Variants in KIF26B observed in about 807,000 individuals in gnomAD.
KIF26B encodes kinesin family member 26B.
KIF26B carries 63 observed loss-of-function variants against 151.2 expected under a neutral mutation model. The observed-to-expected ratio is 0.42, with a 90% confidence interval of 0.34 to 0.51. KIF26B has a LOEUF of 0.51. KIF26B is among the 20% of genes least tolerant of loss of function. The probability of loss-of-function intolerance (pLI) is 0.07; values close to 1 mark genes in which losing one functional copy is unlikely to be tolerated. For missense variants in KIF26B, 2,813 were observed against 2,913.6 expected (o/e 0.97, Z 0.79); for synonymous variants, 1,357 against 1,262.1 (o/e 1.08, Z -1.59).
chr1:245,438,418 G>T (rs902173614), intron 4 of KIF26B, among the ~76,000 whole-genome samples: 7 of 152,178 alleles, frequency 4.6e-5, no homozygotes, highest in African/African-American at 1.4e-4. Flanking sequence ...TTGAGAAAAT[G>T]CATAAAGGAG....
intron 4 of KIF26B, among the ~76,000 whole-genome samples, chr1:245,471,873 C>T (rs1039247910): frequency 6.6e-6 from 1 of 151,834 alleles, no homozygotes; most frequent in Non-Finnish European, 1.5e-5. Context: ...CTCACTGCAA[C>T]CTCCACCTCC....
intron 2 of KIF26B, among the ~76,000 whole-genome samples, chr1:245,282,348 G>A (rs111822649): frequency 3.3e-5 from 5 of 152,248 alleles, no homozygotes; most frequent in African/African-American, 4.8e-5. Flanking sequence ...CAAAGTTTTC[G>A]TTTTTTAAAG....
At chr1:245,171,672 G>C (rs926826129) in intron 2 of KIF26B, among the ~76,000 whole-genome samples, 2 of 152,158 alleles carry the variant, frequency 1.3e-5, no homozygotes, top group Non-Finnish European at 2.9e-5. Context: ...TAAATTATTA[G>C]CATTTTATAA....
rs557518330 is a variant in KIF26B at position 245,167,979 on chromosome 1, G to GGA, written c.465+11297_465+11298dup. On this transcript the variant is annotated intron_variant, in intron 2 of 14. Transcript: ENST00000407071. The surrounding 1 kb of genome is among the most constrained non-coding windows in gnomAD (Gnocchi z 4.2). ...ATTTAGGTGAAAAAGGACTGTCCTT[G>GGA]GATCTGGGGACAGAGGTGCAGTCCT... Among the ~76,000 whole-genome samples, 15 of 152,302 alleles carry GGA rather than the reference G, an allele frequency of 9.8e-5. No homozygotes were observed. In the East Asian group the frequency reaches 2.3e-3, roughly 23 times the overall value.
rs200610252 is a variant in KIF26B, at chr1:245,610,132, T to TC, written c.1914+605dup. 9.5e-3 allele frequency among the ~76,000 whole-genome samples: 1,453 copies of TC among 152,300 alleles called. 24 individuals are homozygous for TC. Among genetic ancestry groups the TC allele is most frequent in the African/African-American group, 0.033 (1,366 of 41,556 alleles). On this transcript the variant is annotated intron_variant, in intron 8 of 14. Coordinates refer to ENST00000407071, the MANE Select transcript of KIF26B (RefSeq NM_018012.4). ...TGCAATTCATTCATATCCAGAATAATCAATCCTTCCAGTCTCTAACAGTAG... is the reference window on the plus strand; with the variant it reads ...TGCAATTCATTCATATCCAGAATAATCCAATCCTTCCAGTCTCTAACAGTAG...
chr1:245,680,761 C>T (rs1444626893), intron 10 of KIF26B, among the ~76,000 whole-genome samples: 7 of 152,172 alleles, frequency 4.6e-5, no homozygotes, highest in African/African-American at 1.2e-4. Context: ...ATCAATACAG[C>T]GGTTTCACAG....
intron 5 of KIF26B, among the ~76,000 whole-genome samples, chr1:245,579,837 A>G (rs2103128677): frequency 6.6e-6 from 1 of 151,302 alleles, no homozygotes; most frequent in South Asian, 2.1e-4. Context: ...AACAAGAGTG[A>G]AACTTCATCT....
At chr1:245,487,451 G>A (rs1349977388) in intron 4 of KIF26B, among the ~76,000 whole-genome samples, 2 of 152,188 alleles carry the variant, frequency 1.3e-5, no homozygotes, top group African/African-American at 4.8e-5. Flanking sequence ...AAAAGTGCAA[G>A]ACCTTCTGCA....
chr1:245,702,597 G>C lies in KIF26B; in HGVS notation c.6318G>C (p.Arg2106Ser), dbSNP rs767990584. Residue 2106 changes from arginine (R) to serine (S), a missense_variant, in exon 15 of 15, where the codon AGG (arginine) becomes AGC (serine). Coordinates refer to ENST00000407071, the MANE Select transcript of KIF26B (RefSeq NM_018012.4). This position sits in a 1 kb window ranked among gnomAD's most constrained non-coding sequence, Gnocchi z 4.1. ...MMITCFDITS[R>S]RR ...TCACCTGCTTCGACATCACCTCCAG[G>C]CGCCGGTAGATGAGCCAGACCCTTG... is the stretch of plus-strand genomic sequence containing the variant. 6.2e-7 allele frequency: 1 copy of C among 1,613,826 alleles called. No homozygotes were observed. The highest frequency in any genetic ancestry group is 1.1e-5 in the South Asian group (1 of 91,060).
rs549333496 is a variant in KIF26B, at chr1:245,706,864, G to A, written c.*4258G>A. 1.3e-5 allele frequency: 2 copies of A among 152,336 alleles called. No individual in the cohort carries two copies. The highest frequency in any genetic ancestry group is 3.9e-4 in the East Asian group (2 of 5,188). The allele number at this position is 152,336 out of a possible 1,614,324, so 9.4% of individuals were successfully genotyped here. A position where few individuals can be genotyped will look rare whatever the true frequency, so the allele number is the denominator to read the frequency against. On this transcript the variant is annotated 3_prime_UTR_variant, in exon 15 of 15. Transcript: ENST00000407071. ...CAAATGAAACAAAGCTGGGTGTTCA[G>A]TGTCACTGATGCAAGTAAATGGGTC... is the stretch of plus-strand genomic sequence containing the variant.
At chr1:245,435,573 G>A (rs1658898318) in intron 4 of KIF26B, among the ~76,000 whole-genome samples, 1 of 152,184 alleles carries the variant, frequency 6.6e-6, no homozygotes, top group African/African-American at 2.4e-5. Flanking sequence ...CAGGGGCCAG[G>A]CTGGCGCATG....
chr1:245,539,800 G>C (rs537174124), intron 4 of KIF26B, among the ~76,000 whole-genome samples: 8 of 152,076 alleles, frequency 5.3e-5, no homozygotes, highest in Non-Finnish European at 1.0e-4. Context: ...TTACAGGCAT[G>C]CACCACCACA....
chr1:245,698,203 C>G lies in KIF26B; in HGVS notation c.5922C>G (p.Gly1974=), dbSNP rs908208792. 1 of 1,614,006 alleles carries G rather than the reference C, an allele frequency of 6.2e-7. No individual in the cohort carries two copies. Among genetic ancestry groups the G allele is most frequent in the Non-Finnish European group, 8.5e-7 (1 of 1,179,878 alleles). The change falls in exon 13 of 15, where the codon GGC becomes GGG. Residue 1974 remains glycine, a synonymous_variant. Coordinates refer to ENST00000407071, the MANE Select transcript of KIF26B (RefSeq NM_018012.4). This position sits in a 1 kb window ranked among gnomAD's most constrained non-coding sequence, Gnocchi z 4.0. ...GCACAGGCGTCCGCTGGGTGGATGGCCCCTTGCGGAGCAGCCCGAGGGGCC... is the reference window on the plus strand; with the variant it reads ...GCACAGGCGTCCGCTGGGTGGATGGGCCCTTGCGGAGCAGCCCGAGGGGCC... The part of the protein sequence containing the change: ...PNSTGVRWVD[G]PLRSSPRGLG...
intron 9 of KIF26B, among the ~76,000 whole-genome samples, chr1:245,636,878 G>A (rs1259021854): frequency 6.6e-6 from 1 of 151,416 alleles, no homozygotes; most frequent in African/African-American, 2.4e-5. Flanking sequence ...GTGTGTGTGT[G>A]TGTGTATCTA....
chr1:245,309,016 C>A (rs1377584878), intron 2 of KIF26B, among the ~76,000 whole-genome samples: 1 of 151,966 alleles, frequency 6.6e-6, no homozygotes, highest in Non-Finnish European at 1.5e-5. Flanking sequence ...ATGGCTATTT[C>A]CAGCACAGAT....
chr1:245,583,931 C>T (rs2043200844), intron 5 of KIF26B, among the ~76,000 whole-genome samples: 1 of 152,214 alleles, frequency 6.6e-6, no homozygotes, highest in Admixed American at 6.5e-5. Context: ...TCACAGTTCA[C>T]AAAAGGACCC....
Position 245,685,712 on chromosome 1 carries a change from A to G in KIF26B, c.2729A>G (p.Glu910Gly). ...RGDSRPAEAG[E>G]AAAGKSERDC... is the part of the protein sequence containing the mutation. ...GACAGCCGGCCCGCAGAGGCAGGAG[A>G]GGCTGCAGCCGGCAAGTCAGAAAGG... Residue 910 changes from glutamate to glycine, a missense_variant, in exon 12 of 15, where the codon GAG becomes GGG. Around this residue, in one of 3 missense-constraint regions of KIF26B, gnomAD observed 2,060 missense variants for 2,088.6 expected, o/e 0.99. Transcript: ENST00000407071. The G allele has an allele frequency of 1.2e-6, 2 of 1,611,802 alleles. No individual in the cohort carries two copies. The highest frequency in any genetic ancestry group is 4.5e-5 in the East Asian group (2 of 44,856).
intron 4 of KIF26B, among the ~76,000 whole-genome samples, chr1:245,539,892 AGC>A (rs1368575679): frequency 6.6e-5 from 10 of 152,146 alleles, no homozygotes; most frequent in African/African-American, 2.4e-4. Context: ...ACCTCAGGTG[AGC>A]TGCCTGCCTC....
chr1:245,650,557 T>A (rs2044004177), intron 10 of KIF26B, among the ~76,000 whole-genome samples: 1 of 152,262 alleles, frequency 6.6e-6, no homozygotes, highest in Non-Finnish European at 1.5e-5. Flanking sequence ...TTCTCTTAGA[T>A]GTTGCTTTGT....
Sources: allele counts gnomAD v4.1 joint callset (sites outside exome capture counted in the v4.1 genomes callset), GRCh38; gene constraint gnomAD v4.1.1; regional missense constraint gnomAD v4.1.1; non-coding constraint Gnocchi (gnomAD v3.1); transcripts MANE v1.5; gene names NCBI Gene and HGNC (gene_info 2026-07-23, HGNC 2026-07-21).